Variants in NUAK2 observed in about 807,000 individuals in gnomAD.
NUAK2 encodes the protein NUAK family kinase 2, also known as NUAK family SNF1-like kinase 2.
Under a neutral mutation model 29.8 loss-of-function variants are expected in NUAK2, and 20 were observed. The observed-to-expected ratio is 0.67, with a 90% CI of 0.47 to 0.98. The LOEUF (loss-of-function observed/expected upper bound fraction) is 0.98, where lower values mean the gene tolerates loss of function less well. Ranked by LOEUF, NUAK2 falls within the 50% of genes least tolerant of loss-of-function variation. The pLI, the probability that NUAK2 is intolerant of heterozygous loss-of-function variation, is 0.00. For synonymous variants in NUAK2, 331 were observed against 342.6 expected (o/e 0.97, Z 0.37); for missense variants, 719 against 834.5 (o/e 0.86, Z 1.71).
intron 1 of NUAK2, among the ~76,000 whole-genome samples, chr1:205,316,566 G>A (rs935849167): frequency 1.3e-5 from 2 of 152,096 alleles, no homozygotes; most frequent in Non-Finnish European, 2.9e-5. Context: ...GCTAGGGAGG[G>A]GCAACAAGGG....
chr1:205,308,132 A>G lies in NUAK2; in HGVS notation c.570+33T>C. ...CAGTGCAGAAAAGCTGGGGTGGGCA[A>G]GGAGGCTTCTAGAAATAAGAAGTGG... On this transcript the variant is annotated intron_variant, in intron 4 of 6. Coordinates refer to ENST00000367157, the MANE Select transcript of NUAK2 (RefSeq NM_030952.3). The surrounding 1 kb of genome is among the most constrained non-coding windows in gnomAD (Gnocchi z 4.1). 1 of 1,474,474 alleles carries G rather than the reference A, an allele frequency of 6.8e-7. No homozygotes were observed. Among genetic ancestry groups the G allele is most frequent in the Non-Finnish European group, 9.4e-7 (1 of 1,058,644 alleles). The allele number at this position is 1,474,474 out of a possible 1,614,324, so 91.3% of individuals were successfully genotyped here. A position where few individuals can be genotyped will look rare whatever the true frequency, so the allele number is the denominator to read the frequency against.
intron 5 of NUAK2, chr1:205,305,565 G>A: frequency 1.0e-6 from 1 of 958,544 alleles, no homozygotes; most frequent in Non-Finnish European, 1.2e-6. Context: ...GGAAGGGGTG[G>A]TTGTGACAGA....
Position 205,303,009 on chromosome 1 carries a change from G to T in NUAK2, c.*441C>A, listed in dbSNP as rs949100296. ...CACCATCCAGTTCTGGTGGTTGGTA[G>T]GAACGGGAATGTGTGTGTAAAGAGG... is the stretch of plus-strand genomic sequence containing the variant. On this transcript the variant is annotated 3_prime_UTR_variant, in exon 7 of 7. Transcript: ENST00000367157. The T allele has an allele frequency of 2.0e-5, 3 of 153,614 alleles. No homozygotes were observed. The highest frequency in any genetic ancestry group is 4.3e-5 in the Non-Finnish European group (3 of 69,044). The allele number at this position is 153,614 out of a possible 1,614,324, so 9.5% of individuals were successfully genotyped here.
chr1:205,303,572 C>T lies in NUAK2; in HGVS notation c.1765G>A (p.Gly589Arg). 6.2e-7 allele frequency: 1 copy of T among 1,613,546 alleles called. No individual in the cohort carries two copies. The highest frequency in any genetic ancestry group is 8.5e-7 in the Non-Finnish European group (1 of 1,179,922). The stretch of plus-strand genomic sequence containing the variant: ...TGCCGCCAGCGCCTCAGGCAGCTTC[C>T]AGGGCCCTCTGAGGGGGGCTCCTCA... ...GLEEPPSEGP[G>R]SCLRRWRQDP... is the part of the protein sequence containing the mutation. Residue 589 changes from glycine to arginine, a missense_variant, in exon 7 of 7, where the codon GGA becomes AGA. Gly to Arg is a moderately radical substitution (Grantham distance 125). Transcript: ENST00000367157.
intron 5 of NUAK2, 127 bp from the exon 6 acceptor site, chr1:205,305,458 ATGC>A: frequency 6.9e-7 from 1 of 1,440,982 alleles, no homozygotes; most frequent in African/African-American, 1.4e-5. Flanking sequence ...CAAGACGGGG[ATGC>A]TGCAGAAGGG....
At chr1:205,305,513 A>C (rs1662167813) in intron 5 of NUAK2, 182 bp from the exon 6 acceptor site, 1 of 985,324 alleles carries the variant, frequency 1.0e-6, no homozygotes, top group Non-Finnish European at 1.2e-6. Flanking sequence ...AGGGACAGCC[A>C]CAAGCACAAG....
At chr1:205,312,259 T>C (rs1338743762) in intron 1 of NUAK2, among the ~76,000 whole-genome samples, 1 of 152,172 alleles carries the variant, frequency 6.6e-6, no homozygotes, top group Non-Finnish European at 1.5e-5. Flanking sequence ...GTAAATGAAC[T>C]GACCCTCACA....
intron 1 of NUAK2, among the ~76,000 whole-genome samples, chr1:205,320,755 G>A (rs1662402766): frequency 6.6e-6 from 1 of 152,192 alleles, no homozygotes; most frequent in Non-Finnish European, 1.5e-5. Context: ...CAAAGTAACA[G>A]GGCATGTTCT....
At chr1:205,313,416 G>A (rs1477841978) in intron 1 of NUAK2, among the ~76,000 whole-genome samples, 1 of 152,148 alleles carries the variant, frequency 6.6e-6, no homozygotes, top group African/African-American at 2.4e-5. Flanking sequence ...AGTATGTGTG[G>A]TGGGCTCAGG....
In NUAK2 at chr1:205,303,639, G is replaced by A. The variant is rs1242784548; in HGVS notation, c.1698C>T (p.Pro566=). 6.3e-7 allele frequency: 1 copy of A among 1,592,120 alleles called. No individual in the cohort carries two copies. Among genetic ancestry groups the A allele is most frequent in the African/African-American group, 1.4e-5 (1 of 73,940 alleles). ...QLDLPERLPE[P]PLRGCVSVDN... is the part of the protein sequence containing the mutation. The stretch of plus-strand genomic sequence containing the variant: ...CCACAGACACACAGCCCCGCAGTGG[G>A]GGCTCTGGGAGCCGTTCAGGCAAGT... The change falls in exon 7 of 7, where the codon CCC becomes CCT. Residue 566 remains proline, a synonymous_variant. Coordinates refer to ENST00000367157, the MANE Select transcript of NUAK2 (RefSeq NM_030952.3).
chr1:205,311,649 A>G, intron 2 of NUAK2, 56 bp downstream of exon 2: 1 of 1,598,246 alleles, frequency 6.3e-7, no homozygotes, highest in Non-Finnish European at 8.6e-7. Context: ...ACGCATGTGA[A>G]CACACACATG....
chr1:205,305,377 G>C (rs766880555), intron 5 of NUAK2, 46 bp from the exon 6 acceptor site: 3 of 1,594,372 alleles, frequency 1.9e-6, no homozygotes, highest in Non-Finnish European at 2.6e-6. Context: ...TACCAGACAG[G>C]AAAATGTTAC....
chr1:205,311,362 A>G (rs796386509), intron 2 of NUAK2, among the ~76,000 whole-genome samples: 56 of 152,334 alleles, frequency 3.7e-4, no homozygotes, highest in African/African-American at 1.2e-3. Flanking sequence ...GTAGTGTTCA[A>G]GTAGGGAAAA....
At position 205,303,349 on chromosome 1, in the gene NUAK2, TG is replaced by T; in HGVS notation, c.*100del. 1 of 1,059,826 alleles carries T rather than the reference TG, an allele frequency of 9.4e-7. No individual in the cohort carries two copies. Among genetic ancestry groups the T allele is most frequent in the Non-Finnish European group, 1.3e-6 (1 of 742,060 alleles). The allele number at this position is 1,059,826 out of a possible 1,614,324, so 65.7% of individuals were successfully genotyped here. ...TGCAAACCCTCTCAGCCTTCTGAGCTGGGATGCAGGTCCTGGGAGGTGGGGG... is the reference window on the plus strand; with the variant it reads ...TGCAAACCCTCTCAGCCTTCTGAGCTGGATGCAGGTCCTGGGAGGTGGGGG... On this transcript the variant is annotated 3_prime_UTR_variant, in exon 7 of 7. Transcript: ENST00000367157.
chr1:205,306,927 G>A (rs895476240), intron 4 of NUAK2, among the ~76,000 whole-genome samples: 1 of 152,182 alleles, frequency 6.6e-6, no homozygotes, highest in African/African-American at 2.4e-5. Flanking sequence ...CCTAGCAAAG[G>A]GCTCATTCCT....
rs898234522 is a variant in NUAK2, at chr1:205,304,013, G to T, written c.1324C>A (p.Leu442Met). 6.2e-7 allele frequency: 1 copy of T among 1,613,754 alleles called. No homozygotes were observed. The highest frequency in any genetic ancestry group is 8.5e-7 in the Non-Finnish European group (1 of 1,179,876). Residue 442 changes from leucine to methionine, a missense_variant, in exon 7 of 7, where the codon CTG becomes ATG. Physicochemically the swap from Leu to Met is conservative, Grantham distance 15 (BLOSUM62 2). Coordinates refer to ENST00000367157, the MANE Select transcript of NUAK2 (RefSeq NM_030952.3). This position sits in a 1 kb window ranked among gnomAD's most constrained non-coding sequence, Gnocchi z 6.5. ...TTGAGAATGCCCTTCTTGGGGAGCA[G>T]GGGGGCAGCCTGCCCTGGGCTCGCA... ...IPASPGQAAP[L>M]LPKKGILKKP...
At position 205,303,869 on chromosome 1, in the gene NUAK2, G is replaced by C; in HGVS notation, c.1468C>G (p.Gln490Glu). The change falls in exon 7 of 7, where the codon CAA (glutamine) becomes GAA (glutamate). Residue 490 changes from glutamine to glutamate, a missense_variant. Coordinates refer to ENST00000367157, the MANE Select transcript of NUAK2 (RefSeq NM_030952.3). ...SGDPKEQKPP[Q>E]ASGLLLHRKG... ...CGATGGAGGAGCAGCCCTGAAGCTT[G>C]CGGAGGCTTCTGCTCCTTGGGATCC... 1.2e-6 allele frequency: 2 copies of C among 1,613,858 alleles called. No individual in the cohort carries two copies. The highest frequency in any genetic ancestry group is 8.5e-7 in the Non-Finnish European group (1 of 1,179,860).
intron 1 of NUAK2, among the ~76,000 whole-genome samples, chr1:205,318,458 C>T (rs914541535): frequency 2.0e-5 from 3 of 152,262 alleles, no homozygotes; most frequent in African/African-American, 4.8e-5. Flanking sequence ...AAGTCACTTC[C>T]CCTCTTCGGG....
At position 205,320,446 on chromosome 1, in the gene NUAK2, A is replaced by G. The variant is rs182752287; in HGVS notation, c.231+952T>C. 6.7e-3 allele frequency among the ~76,000 whole-genome samples: 1,018 copies of G among 151,914 alleles called. 9 individuals carry two copies. The highest frequency in any genetic ancestry group is 0.038 in the Middle Eastern group (11 of 292). On this transcript the variant is annotated intron_variant, in intron 1 of 6. Transcript: ENST00000367157. ...CGCCCGGCTAATTTTTTGTATTTTT[A>G]GTAGAGACGGGGTTTCACTGTGTTA...
Sources: allele counts gnomAD v4.1 joint callset (sites outside exome capture counted in the v4.1 genomes callset), GRCh38; gene constraint gnomAD v4.1.1; non-coding constraint Gnocchi (gnomAD v3.1); transcripts MANE v1.5; gene names NCBI Gene and HGNC (gene_info 2026-07-23, HGNC 2026-07-21).